The following PARP12 variants were observed in gnomAD, a reference collection of about 807,000 sequenced individuals.
The protein encoded by PARP12 is protein mono-ADP-ribosyltransferase PARP12.
A neutral mutation model predicts 72.4 loss-of-function variants in PARP12; 59 were observed. The observed-to-expected ratio is 0.81, with a 90% CI of 0.66 to 1.01. The LOEUF (loss-of-function observed/expected upper bound fraction) is 1.01. PARP12 is among the 50% of genes least tolerant of loss of function. The pLI is 0.00. For synonymous variants in PARP12, 403 were observed against 371.4 expected (o/e 1.09, Z -0.98); for missense variants, 851 against 914.0 (o/e 0.93, Z 0.89).
rs547836854 is a variant in PARP12, at chr7:140,059,355, C to T, written c.327-1321G>A. Among the ~76,000 whole-genome samples the T allele has an allele frequency of 1.5e-3, 189 of 123,448 alleles. 1 individual carries two copies. Among genetic ancestry groups the T allele is most frequent in the Admixed American group, 4.7e-3 (56 of 11,842 alleles). 81.0% of individuals were successfully genotyped at this position (123,448 alleles called of 152,430 possible). On this transcript the variant is annotated intron_variant, in intron 1 of 11. Coordinates refer to ENST00000263549, the MANE Select transcript of PARP12 (RefSeq NM_022750.4). ...GGTTACATATGTGCATGCGTGCAGG[C>T]GTGTATACACACACACACACACACA... is the stretch of plus-strand genomic sequence containing the variant.
chr7:140,042,627 G>T (rs1292678457), intron 5 of PARP12, among the ~76,000 whole-genome samples: 4 of 152,178 alleles, frequency 2.6e-5, no homozygotes, highest in Admixed American at 6.5e-5. Flanking sequence ...GTAAAACCAG[G>T]ACCCTAAAAG....
intron 5 of PARP12, among the ~76,000 whole-genome samples, chr7:140,045,339 T>G (rs1816673536): frequency 1.3e-5 from 2 of 152,232 alleles, no homozygotes; most frequent in South Asian, 2.1e-4. Flanking sequence ...GACCCACATC[T>G]TATGTGCCTG....
intron 4 of PARP12, among the ~76,000 whole-genome samples, chr7:140,051,286 T>C (rs187615786): frequency 6.6e-5 from 10 of 152,338 alleles, no homozygotes; most frequent in Admixed American, 1.3e-4. Context: ...ATACCAGCCA[T>C]TTAGTCCACC....
At chr7:140,056,831 C>A in intron 3 of PARP12, 25 bp downstream of exon 3, 2 of 1,571,450 alleles carry the variant, frequency 1.3e-6, no homozygotes, top group Non-Finnish European at 1.7e-6. Flanking sequence ...TCCCCACCAG[C>A]CTTACCACTC....
chr7:140,038,805 C>A (rs960775968), intron 6 of PARP12, among the ~76,000 whole-genome samples: 3 of 152,114 alleles, frequency 2.0e-5, no homozygotes, highest in Non-Finnish European at 2.9e-5. Flanking sequence ...ACTAACAGAA[C>A]AAAAGTGAGA....
At chr7:140,028,207 C>A (rs1815811255) in intron 9 of PARP12, among the ~76,000 whole-genome samples, 1 of 152,190 alleles carries the variant, frequency 6.6e-6, no homozygotes, top group South Asian at 2.1e-4. Flanking sequence ...GTCTGCTAGT[C>A]GTGAATGCCT....
intron 4 of PARP12, among the ~76,000 whole-genome samples, chr7:140,048,248 C>G (rs535142549): frequency 6.6e-6 from 1 of 152,328 alleles, no homozygotes; most frequent in Admixed American, 6.5e-5. Context: ...TGGCCCAGAC[C>G]TATGGGTTCC....
chr7:140,054,703 TG>T lies in PARP12; in HGVS notation c.820del (p.Gln274ArgfsTer54), dbSNP rs753409094. ...PNTLSQEEGDQICLYHIRKSC... is the reference protein window; with the variant it reads ...PNTLSQEEGDXICLYHIRKSC... ...TTTCCGGATATGGTACAAACAGATC[TG>T]ATCACCCTCCTCCTGGCTAAGAGTG... On this transcript the variant is annotated frameshift_variant, in exon 4 of 12. Coordinates refer to ENST00000263549, the MANE Select transcript of PARP12 (RefSeq NM_022750.4). LOFTEE classifies it high-confidence loss of function. 6 of 1,614,040 alleles carry T rather than the reference TG, an allele frequency of 3.7e-6. No homozygotes were observed. Among genetic ancestry groups the T allele is most frequent in the Non-Finnish European group, 5.1e-6 (6 of 1,179,986 alleles).
Position 140,062,557 on chromosome 7 carries a change from G to A in PARP12, c.291C>T (p.Phe97=), listed in dbSNP as rs750278832. 1.4e-5 allele frequency: 22 copies of A among 1,556,098 alleles called. No individual in the cohort carries two copies. The highest frequency in any genetic ancestry group is 1.7e-5 in the Non-Finnish European group (20 of 1,155,476). The change falls in exon 1 of 12, where the codon TTC becomes TTT. Residue 97 remains phenylalanine, a synonymous_variant. Transcript: ENST00000263549. ...GLCAQLHLCR[F]MVYGACKFLR... ...GGAACTTGCAGGCGCCGTAGACCAT[G>A]AACCTGCAGAGGTGGAGCTGCGCGC... is the stretch of plus-strand genomic sequence containing the variant.
intron 4 of PARP12, among the ~76,000 whole-genome samples, chr7:140,053,514 G>C (rs1817049805): frequency 1.3e-5 from 2 of 152,058 alleles, no homozygotes; most frequent in South Asian, 4.1e-4. Flanking sequence ...TGGTAGAGAT[G>C]GTTACATGAG....
At chr7:140,061,853 A>G (rs1382855291) in intron 1 of PARP12, among the ~76,000 whole-genome samples, 2 of 151,654 alleles carry the variant, frequency 1.3e-5, no homozygotes, top group Non-Finnish European at 2.9e-5. Context: ...AAGGGGAGGA[A>G]AAATCCTCAA....
At position 140,057,457 on chromosome 7, in the gene PARP12, C is replaced by G. The variant is rs918204013; in HGVS notation, c.463-304G>C. ...ACAATGCAAATCAAATGGCTACATC[C>G]TAAGGACCTCTACAATCTACCTATA... On this transcript the variant is annotated intron_variant, in intron 2 of 11. Coordinates refer to ENST00000263549, the MANE Select transcript of PARP12 (RefSeq NM_022750.4). 55 of 440,300 alleles carry G rather than the reference C, an allele frequency of 1.2e-4. No homozygotes were observed. In the Admixed American group the frequency reaches 2.1e-3, roughly 17 times the overall value. The allele number at this position is 440,300 out of a possible 1,614,324, so 27.3% of individuals were successfully genotyped here.
intron 5 of PARP12, among the ~76,000 whole-genome samples, chr7:140,042,189 G>C (rs1329719891): frequency 6.6e-6 from 1 of 152,208 alleles, no homozygotes; most frequent in African/African-American, 2.4e-5. Context: ...AGTGTTTACT[G>C]TGTGAGCCAG....
intron 6 of PARP12, among the ~76,000 whole-genome samples, chr7:140,038,949 T>C (rs1816335275): frequency 6.6e-6 from 1 of 152,154 alleles, no homozygotes; most frequent in Non-Finnish European, 1.5e-5. Context: ...GACGCTGAGA[T>C]GGGTAACTAA....
chr7:140,041,560 T>A (rs1384407609), intron 6 of PARP12, 84 bp downstream of exon 6: 6 of 1,390,364 alleles, frequency 4.3e-6, no homozygotes, highest in Non-Finnish European at 5.9e-6. Flanking sequence ...AGGATGCCCC[T>A]GGCAACAATA....
intron 5 of PARP12, among the ~76,000 whole-genome samples, chr7:140,042,052 C>T (rs1039779969): frequency 1.8e-4 from 28 of 152,136 alleles, no homozygotes; most frequent in Non-Finnish European, 2.9e-4. Flanking sequence ...CTAGTTATGA[C>T]GAAAATTCCT....
intron 4 of PARP12, among the ~76,000 whole-genome samples, chr7:140,051,407 T>C (rs1290349764): frequency 6.6e-6 from 1 of 152,016 alleles, no homozygotes; most frequent in Non-Finnish European, 1.5e-5. Context: ...CTTTTTTTTT[T>C]TTAGACAGAG....
chr7:140,041,770 A>T lies in PARP12; in HGVS notation c.1056T>A (p.Gly352=), dbSNP rs750957245. The change falls in exon 6 of 12, where the codon GGT becomes GGA. Residue 352 remains glycine (G), a synonymous_variant. Coordinates refer to ENST00000263549, the MANE Select transcript of PARP12 (RefSeq NM_022750.4). ...HCLNFNAMTY[G]ATQARRLSTA... Reference sequence around the variant, plus strand: ...TGGAGAGGCGGCGAGCCTGGGTAGCACCGTAAGTCATGGCGTTAAAGTTCA... The same window carrying T: ...TGGAGAGGCGGCGAGCCTGGGTAGCTCCGTAAGTCATGGCGTTAAAGTTCA... 6.2e-7 allele frequency: 1 copy of T among 1,614,122 alleles called. No homozygotes were observed. Among genetic ancestry groups the T allele is most frequent in the Non-Finnish European group, 8.5e-7 (1 of 1,179,986 alleles).
At chr7:140,049,209 G>A (rs535168129) in intron 4 of PARP12, among the ~76,000 whole-genome samples, 2 of 152,208 alleles carry the variant, frequency 1.3e-5, no homozygotes, top group South Asian at 2.1e-4. Flanking sequence ...AGGCTGAGAG[G>A]ACTGAGGGAA....
Sources: gnomAD v4.1 joint callset for allele counts (sites outside exome capture counted in the v4.1 genomes callset) on GRCh38, gnomAD v4.1.1 for gene constraint, MANE v1.5 for transcripts, NCBI Gene and HGNC (gene_info 2026-07-23, HGNC 2026-07-21) for gene names.